Variants in DNAAF9 observed in about 807,000 individuals in gnomAD.
DNAAF9 encodes the protein shulin.
In DNAAF9, 90 loss-of-function variants were observed where a neutral mutation model predicts 167.0. The observed-to-expected ratio is 0.54, with a 90% CI of 0.45 to 0.64. DNAAF9 has a LOEUF of 0.64. Ranked by LOEUF, DNAAF9 falls within the 30% of genes least tolerant of loss-of-function variation. DNAAF9 has a pLI of 0.00. For synonymous variants in DNAAF9, 491 were observed against 508.8 expected (o/e 0.96, Z 0.47); for missense variants, 1,315 against 1,442.2 (o/e 0.91, Z 1.43).
At chr20:3,342,876 A>G (rs548895488) in intron 9 of DNAAF9, among the ~76,000 whole-genome samples, 1 of 152,192 alleles carries the variant, frequency 6.6e-6, no homozygotes, top group South Asian at 2.1e-4. Flanking sequence ...CATTGAACCC[A>G]TCTTCGTGGG....
chr20:3,375,183 A>G (rs1382147230), intron 4 of DNAAF9, 57 bp from the exon 5 acceptor site: 3 of 1,045,608 alleles, frequency 2.9e-6, no homozygotes, highest in East Asian at 2.4e-5. Flanking sequence ...ACAAATTCCC[A>G]TATTTTCTCT....
chr20:3,280,591 A>G (rs2068748962), intron 28 of DNAAF9, among the ~76,000 whole-genome samples: 1 of 151,386 alleles, frequency 6.6e-6, no homozygotes, highest in Non-Finnish European at 1.5e-5. Context: ...AATTTAAACA[A>G]TGGAGCAACT....
At chr20:3,368,854 C>A (rs931373370) in intron 6 of DNAAF9, among the ~76,000 whole-genome samples, 1 of 145,258 alleles carries the variant, frequency 6.9e-6, no homozygotes. Context: ...TTCATCCAGG[C>A]TGGGTGCAGG....
chr20:3,294,703 T>G, intron 23 of DNAAF9, 74 bp from the exon 24 acceptor site: 1 of 946,354 alleles, frequency 1.1e-6, no homozygotes, highest in Non-Finnish European at 1.7e-6. Context: ...CTGGGCCTGA[T>G]GCTTTCAAGC....
At chr20:3,333,712 T>C (rs1484691447) in intron 10 of DNAAF9, among the ~76,000 whole-genome samples, 1 of 152,202 alleles carries the variant, frequency 6.6e-6, no homozygotes, top group Non-Finnish European at 1.5e-5. Flanking sequence ...TGCCAAGTGT[T>C]TGTGCTATGA....
intron 35 of DNAAF9, 23 bp from the exon 36 acceptor site, chr20:3,253,842 A>C: frequency 4.7e-6 from 6 of 1,275,846 alleles, no homozygotes; most frequent in Non-Finnish European, 6.9e-6. Context: ...AGAGACCTGT[A>C]ATAATTATCT....
rs761171075 is a variant in DNAAF9, at chr20:3,348,530, C to G, written c.784G>C (p.Gly262Arg). The G allele has an allele frequency of 6.3e-7, 1 of 1,580,302 alleles. No individual in the cohort carries two copies. The highest frequency in any genetic ancestry group is 8.7e-7 in the Non-Finnish European group (1 of 1,155,334). ...FLLELSESQA[G>R]EPFRSYFSHG... ...TTGACCCTTCCCTTACATACCTCACCCGCCTGAGATTCTGAAAGTTCTAGC... is the reference window on the plus strand; with the variant it reads ...TTGACCCTTCCCTTACATACCTCACGCGCCTGAGATTCTGAAAGTTCTAGC... Residue 262 changes from glycine (G) to arginine (R), a missense_variant, in exon 8 of 37, where the codon GGT becomes CGT. Gly to Arg is a moderately radical substitution (Grantham distance 125). Transcript: ENST00000252032.
chr20:3,353,302 G>A (rs975841653), intron 7 of DNAAF9, among the ~76,000 whole-genome samples: 1 of 151,852 alleles, frequency 6.6e-6, no homozygotes, highest in Non-Finnish European at 1.5e-5. Context: ...ACTTGGCTCT[G>A]TCCAACCTCT....
intron 20 of DNAAF9, among the ~76,000 whole-genome samples, chr20:3,313,863 G>A (rs984802207): frequency 1.3e-5 from 2 of 152,104 alleles, no homozygotes; most frequent in African/African-American, 2.4e-5. Flanking sequence ...TGAGCCCAGA[G>A]CAAACCAAGA....
At chr20:3,392,116 T>A (rs563861233) in intron 1 of DNAAF9, among the ~76,000 whole-genome samples, 2 of 152,104 alleles carry the variant, frequency 1.3e-5, no homozygotes, top group East Asian at 3.9e-4. Context: ...CCAGGCTGCA[T>A]TGATTGCACC....
intron 20 of DNAAF9, among the ~76,000 whole-genome samples, chr20:3,314,798 C>T (rs932378216): frequency 6.6e-6 from 1 of 152,194 alleles, no homozygotes; most frequent in South Asian, 2.1e-4. Flanking sequence ...ATTGAGAGAG[C>T]TAACTAACCT....
At chr20:3,347,977 G>C (rs2070229885) in intron 8 of DNAAF9, among the ~76,000 whole-genome samples, 4 of 152,126 alleles carry the variant, frequency 2.6e-5, no homozygotes, top group Admixed American at 2.6e-4. Context: ...ATCAGCAGGA[G>C]GGCTTGCTCT....
chr20:3,370,503 A>C (rs2083492949), intron 6 of DNAAF9, among the ~76,000 whole-genome samples: 1 of 151,498 alleles, frequency 6.6e-6, no homozygotes, highest in South Asian at 2.1e-4. Flanking sequence ...TCCACCTCCC[A>C]GGTTCAAGTG....
chr20:3,336,252 G>GTGTTTTTT (rs2069940496), intron 10 of DNAAF9, among the ~76,000 whole-genome samples: 3 of 81,444 alleles, frequency 3.7e-5, no homozygotes, highest in East Asian at 6.7e-4. Context: ...ACAGTTTTGC[G>GTGTTTTTT]TTTTTGTTTT....
chr20:3,375,298 T>A (rs1379809477), intron 4 of DNAAF9, among the ~76,000 whole-genome samples, 172 bp from the exon 5 acceptor site: 1 of 152,186 alleles, frequency 6.6e-6, no homozygotes, highest in East Asian at 1.9e-4. Flanking sequence ...GAAAGACTTG[T>A]TATGCCCTTA....
At chr20:3,340,841 AAC>A in intron 9 of DNAAF9, 1 of 563,622 alleles carries the variant, frequency 1.8e-6, no homozygotes, top group Non-Finnish European at 3.2e-6. Flanking sequence ...GGGATCAGTT[AAC>A]ATTTAGGGAC....
intron 28 of DNAAF9, among the ~76,000 whole-genome samples, chr20:3,280,480 G>A (rs1435787496): frequency 6.6e-6 from 1 of 151,542 alleles, no homozygotes; most frequent in African/African-American, 2.4e-5. Flanking sequence ...CAAGAAAATC[G>A]CTTGAACCTG....
chr20:3,267,913 T>A (rs1199958137), intron 30 of DNAAF9, among the ~76,000 whole-genome samples: 1 of 152,106 alleles, frequency 6.6e-6, no homozygotes, highest in African/African-American at 2.4e-5. Flanking sequence ...CTTCAATCAG[T>A]GATGTTGTTT....
At chr20:3,305,398 G>A (rs1600745991) in intron 20 of DNAAF9, among the ~76,000 whole-genome samples, 1 of 152,320 alleles carries the variant, frequency 6.6e-6, no homozygotes, top group South Asian at 2.1e-4. Context: ...CCATGTTTCC[G>A]CATATAGAGG....
Sources: gnomAD v4.1 joint callset for allele counts (sites outside exome capture counted in the v4.1 genomes callset) on GRCh38, gnomAD v4.1.1 for gene constraint, MANE v1.5 for transcripts, NCBI Gene and HGNC (gene_info 2026-07-23, HGNC 2026-07-21) for gene names.